Variants in SSR3 observed in about 807,000 individuals in gnomAD.
SSR3 encodes signal sequence receptor subunit 3.
A neutral mutation model predicts 22.1 loss-of-function variants in SSR3; 10 were observed. The observed-to-expected ratio is 0.45, with a 90% CI of 0.28 to 0.77. The LOEUF (loss-of-function observed/expected upper bound fraction) is 0.77, where lower values mean the gene tolerates loss of function less well. SSR3 is among the 30% of genes least tolerant of loss of function. SSR3 has a pLI of 0.13. For missense variants in SSR3, 181 were observed against 220.5 expected, an observed-to-expected ratio of 0.82 and a Z score of 1.13; for synonymous variants, 104 against 82.5, an observed-to-expected ratio of 1.26 and a Z score of -1.42.
chr3:156,544,255 T>C (rs140622402), intron 4 of SSR3, 53 bp downstream of exon 4: 2 of 1,437,338 alleles, frequency 1.4e-6, no homozygotes, highest in East Asian at 2.5e-5. Context: ...AAAACCAAAA[T>C]GAACTACTGT....
At position 156,541,748 on chromosome 3, in the gene SSR3, G is replaced by A. The variant is rs1719524959; in HGVS notation, c.*1455C>T. ...CCAGTGATGGCACCTAGATAATAATGCACCAAAGAAAAGTAAAGAATTGCA... is the reference window on the plus strand; with the variant it reads ...CCAGTGATGGCACCTAGATAATAATACACCAAAGAAAAGTAAAGAATTGCA... On this transcript the variant is annotated 3_prime_UTR_variant, in exon 5 of 5. Coordinates refer to ENST00000265044, the MANE Select transcript of SSR3 (RefSeq NM_007107.5). The A allele has an allele frequency of 6.6e-6, 1 of 151,980 alleles. No individual in the cohort carries two copies. The highest frequency in any genetic ancestry group is 6.6e-5 in the Admixed American group (1 of 15,244). 9.4% of individuals were successfully genotyped at this position (151,980 alleles called of 1,614,324 possible).
At position 156,540,743 on chromosome 3, in the gene SSR3, T is replaced by C. The variant is rs565921913; in HGVS notation, c.*2460A>G. On this transcript the variant is annotated 3_prime_UTR_variant, in exon 5 of 5. Transcript: ENST00000265044. Reference sequence around the variant, plus strand: ...GTATGAACAAAGGAATTTAATCACTTTGAATCCCAATTACAGATGAATCTT... The same window carrying C: ...GTATGAACAAAGGAATTTAATCACTCTGAATCCCAATTACAGATGAATCTT... 2.0e-5 allele frequency: 3 copies of C among 152,312 alleles called. No homozygotes were observed. The highest frequency in any genetic ancestry group is 7.2e-5 in the African/African-American group (3 of 41,572). The allele number at this position is 152,312 out of a possible 1,614,324, so 9.4% of individuals were successfully genotyped here. A position where few individuals can be genotyped will look rare whatever the true frequency, so the allele number is the denominator to read the frequency against.
intron 2 of SSR3, among the ~76,000 whole-genome samples, chr3:156,552,344 G>C (rs1262409831): frequency 6.7e-6 from 1 of 149,178 alleles, no homozygotes; most frequent in Non-Finnish European, 1.5e-5. Context: ...TTATGAGAAT[G>C]ACATGATAAA....
chr3:156,554,931 T>G lies in SSR3; in HGVS notation c.133+26A>C, dbSNP rs1034436710. 7 of 1,606,278 alleles carry G rather than the reference T, an allele frequency of 4.4e-6. No individual in the cohort carries two copies. The African/African-American group carries it at 9.4e-5, about 21-fold the overall frequency. On this transcript the variant is annotated intron_variant, in intron 1 of 4. Coordinates refer to ENST00000265044, the MANE Select transcript of SSR3 (RefSeq NM_007107.5). ...CAGCCCGACTAGCCGGCGGCCTGCC[T>G]AACCCGCCTCGCTCCCAGCACTCAC...
intron 4 of SSR3, chr3:156,543,990 C>T (rs552638968): frequency 9.4e-6 from 3 of 320,520 alleles, no homozygotes; most frequent in East Asian, 9.7e-5. Context: ...GGTACAGGGG[C>T]TTATTATTTC....
intron 3 of SSR3, among the ~76,000 whole-genome samples, chr3:156,546,610 C>G (rs1428153791): frequency 6.6e-6 from 1 of 152,136 alleles, no homozygotes; most frequent in Non-Finnish European, 1.5e-5. Context: ...AAATTTAGGA[C>G]CCCCAAATGC....
At position 156,540,166 on chromosome 3, in the gene SSR3, A is replaced by G. The variant is rs1316695680; in HGVS notation, c.*3037T>C. ...AAATTTTAAGAAGCAAAGTTTAATC[A>G]TACTTATTAAGCAAGACTTTTCACA... On this transcript the variant is annotated 3_prime_UTR_variant, in exon 5 of 5. Transcript: ENST00000265044. The G allele has an allele frequency of 6.6e-6, 1 of 152,054 alleles. No individual in the cohort carries two copies. The highest frequency in any genetic ancestry group is 1.5e-5 in the Non-Finnish European group (1 of 67,992). The allele number at this position is 152,054 out of a possible 1,614,324, so 9.4% of individuals were successfully genotyped here.
chr3:156,546,871 A>G (rs1207572212), intron 3 of SSR3, among the ~76,000 whole-genome samples: 3 of 152,232 alleles, frequency 2.0e-5, no homozygotes, highest in African/African-American at 7.2e-5. Flanking sequence ...ATAAATGAAC[A>G]TTTTAAAGTA....
chr3:156,552,291 G>A, intron 2 of SSR3, among the ~76,000 whole-genome samples: 2 of 145,932 alleles, frequency 1.4e-5, no homozygotes, highest in African/African-American at 2.5e-5. Context: ...GCAACAGAGT[G>A]AGAGTCTGTC....
At chr3:156,552,797 A>T (rs953703463) in intron 2 of SSR3, among the ~76,000 whole-genome samples, 1 of 152,220 alleles carries the variant, frequency 6.6e-6, no homozygotes, top group Non-Finnish European at 1.5e-5. Context: ...GAGGACCATG[A>T]CGCTGAGAAA....
intron 3 of SSR3, among the ~76,000 whole-genome samples, chr3:156,547,991 T>C (rs1183502066): frequency 3.9e-5 from 6 of 152,234 alleles, no homozygotes. Context: ...ACTTGTTTTA[T>C]ATGCATTTTA....
In SSR3 at chr3:156,541,762, T is replaced by A. The variant is rs1219014747; in HGVS notation, c.*1441A>T. The A allele has an allele frequency of 1.3e-5, 2 of 152,026 alleles. No homozygotes were observed. The highest frequency in any genetic ancestry group is 2.4e-5 in the African/African-American group (1 of 41,374). The allele number at this position is 152,026 out of a possible 1,614,324, so 9.4% of individuals were successfully genotyped here. A position where few individuals can be genotyped will look rare whatever the true frequency, so the allele number is the denominator to read the frequency against. On this transcript the variant is annotated 3_prime_UTR_variant, in exon 5 of 5. Coordinates refer to ENST00000265044, the MANE Select transcript of SSR3 (RefSeq NM_007107.5). ...TAGATAATAATGCACCAAAGAAAAGTAAAGAATTGCAGACTTCTAGAAGCA... is the reference window on the plus strand; with the variant it reads ...TAGATAATAATGCACCAAAGAAAAGAAAAGAATTGCAGACTTCTAGAAGCA...
intron 2 of SSR3, among the ~76,000 whole-genome samples, chr3:156,549,513 G>A (rs1456180726): frequency 6.6e-6 from 1 of 152,142 alleles, no homozygotes; most frequent in Non-Finnish European, 1.5e-5. Flanking sequence ...TTTAAGCTGG[G>A]TGTGATGGAC....
At chr3:156,553,197 G>A (rs1333788944) in intron 2 of SSR3, among the ~76,000 whole-genome samples, 1 of 152,186 alleles carries the variant, frequency 6.6e-6, no homozygotes, top group African/African-American at 2.4e-5. Flanking sequence ...GGTTGAGGCT[G>A]CAGTGAACCA....
chr3:156,552,303 CA>C (rs1234560296), intron 2 of SSR3, among the ~76,000 whole-genome samples: 2,321 of 76,576 alleles, frequency 0.03, 39 homozygotes, highest in African/African-American at 0.094. Context: ...GAGTCTGTCT[CA>C]AAAAAAAAAA....
intron 4 of SSR3, chr3:156,544,039 G>A: frequency 2.6e-6 from 1 of 383,732 alleles, no homozygotes; most frequent in Non-Finnish European, 4.6e-6. Flanking sequence ...TTGGCTCTTT[G>A]GAGCTTTTTT....
chr3:156,546,626 T>A (rs1045282179), intron 3 of SSR3, among the ~76,000 whole-genome samples: 1 of 152,212 alleles, frequency 6.6e-6, no homozygotes, highest in South Asian at 2.1e-4. Flanking sequence ...AATGCCCTCA[T>A]TGCCAACGGT....
intron 2 of SSR3, 139 bp downstream of exon 2, chr3:156,553,516 G>A: frequency 1.2e-6 from 1 of 847,014 alleles, no homozygotes; most frequent in Non-Finnish European, 1.7e-6. Context: ...TAGCATCAAT[G>A]TTCCTTTCCC....
chr3:156,551,852 T>C (rs1228124638), intron 2 of SSR3, among the ~76,000 whole-genome samples: 1 of 151,976 alleles, frequency 6.6e-6, no homozygotes, highest in Non-Finnish European at 1.5e-5. Context: ...TAATCCTAAA[T>C]AGGGTAGGGC....
Sources: allele counts gnomAD v4.1 joint callset (sites outside exome capture counted in the v4.1 genomes callset), GRCh38; gene constraint gnomAD v4.1.1; transcripts MANE v1.5; gene names NCBI Gene and HGNC (gene_info 2026-07-23, HGNC 2026-07-21).